The following PDGFD variants were observed in gnomAD, a reference collection of about 807,000 sequenced individuals.
PDGFD encodes platelet derived growth factor D.
Under a neutral mutation model 44.7 loss-of-function variants are expected in PDGFD, and 30 were observed. The observed-to-expected ratio is 0.67, with a 90% CI of 0.50 to 0.91. The LOEUF is 0.91. Ranked by LOEUF, PDGFD falls within the 40% of genes least tolerant of loss-of-function variation. PDGFD has a pLI of 0.00. For synonymous variants in PDGFD, 173 were observed against 168.4 expected (o/e 1.03, Z -0.21); for missense variants, 445 against 457.8 (o/e 0.97, Z 0.25).
At chr11:103,987,362 TTCC>T (rs548170452) in intron 3 of PDGFD, among the ~76,000 whole-genome samples, 200 of 152,292 alleles carry the variant, frequency 1.3e-3, no homozygotes, top group African/African-American at 4.6e-3. Context: ...TCTCCTCTTC[TTCC>T]TGAGTCCACC....
At chr11:104,094,798 C>G (rs1043441273) in intron 1 of PDGFD, among the ~76,000 whole-genome samples, 4 of 152,144 alleles carry the variant, frequency 2.6e-5, no homozygotes, top group African/African-American at 9.7e-5. Flanking sequence ...TCCTCCAACC[C>G]ACATTGCCAA....
intron 1 of PDGFD, among the ~76,000 whole-genome samples, chr11:104,117,593 CCAAG>C (rs1861660772): frequency 6.6e-6 from 1 of 151,816 alleles, no homozygotes; most frequent in South Asian, 2.1e-4. Context: ...CAAAAAGCGA[CCAAG>C]CAGAGAACCA....
intron 1 of PDGFD, among the ~76,000 whole-genome samples, chr11:104,079,999 GTAT>G (rs1429421808): frequency 1.3e-5 from 2 of 152,154 alleles, no homozygotes; most frequent in Admixed American, 1.3e-4. Context: ...GGTGCTGACG[GTAT>G]TATTGTCTAT....
At chr11:104,162,912 A>C (rs547978644) in intron 1 of PDGFD, among the ~76,000 whole-genome samples, 3 of 152,318 alleles carry the variant, frequency 2.0e-5, no homozygotes, top group African/African-American at 7.2e-5. Flanking sequence ...GTTCAGGTAC[A>C]TGGCAGAACA....
In PDGFD at chr11:104,154,875, GAA is replaced by G. The variant is rs1193274062; in HGVS notation, c.124+8927_124+8928del. 1.1e-4 allele frequency among the ~76,000 whole-genome samples: 17 copies of G among 152,248 alleles called. No homozygotes were observed. In the Middle Eastern group the frequency reaches 0.014, roughly 122 times the overall value. On this transcript the variant is annotated intron_variant, in intron 1 of 6. Transcript: ENST00000393158. ...AGTTGTAACAGAGACCATATGGCCT[GAA>G]AAGTCTACAATATTTACTATTTGGC...
intron 1 of PDGFD, among the ~76,000 whole-genome samples, chr11:104,010,028 G>C (rs1379729351): frequency 6.6e-6 from 1 of 152,140 alleles, no homozygotes; most frequent in East Asian, 1.9e-4. Flanking sequence ...TCAGTCTATG[G>C]CCTGCCATTA....
intron 1 of PDGFD, among the ~76,000 whole-genome samples, chr11:104,028,139 G>A (rs967385747): frequency 6.1e-5 from 9 of 147,964 alleles, no homozygotes; most frequent in African/African-American, 2.3e-4. Context: ...GTAGTGAGCC[G>A]AGACCGTACC....
intron 1 of PDGFD, among the ~76,000 whole-genome samples, chr11:104,079,677 G>A (rs780782469): frequency 7.2e-5 from 11 of 152,114 alleles, no homozygotes; most frequent in Admixed American, 4.6e-4. Context: ...GTGAGCCACC[G>A]CGCCTGGCCA....
In PDGFD at chr11:104,140,330, T is replaced by C. The variant is rs78661685; in HGVS notation, c.124+23474A>G. On this transcript the variant is annotated intron_variant, in intron 1 of 6. Coordinates refer to ENST00000393158, the MANE Select transcript of PDGFD (RefSeq NM_025208.5). ...AAAGAAAAATTACTTTAGCACAAAA[T>C]GCAAAGAAACAGCAGATTCACACAT... 1.3e-3 allele frequency among the ~76,000 whole-genome samples: 197 copies of C among 152,116 alleles called. 8 individuals are homozygous for C. In the East Asian group the frequency reaches 0.03, roughly 23 times the overall value.
chr11:104,072,792 A>G (rs1860900378), intron 1 of PDGFD, among the ~76,000 whole-genome samples: 1 of 152,024 alleles, frequency 6.6e-6, no homozygotes. Flanking sequence ...TAAATTTGTC[A>G]GAAGCTTTTT....
chr11:103,957,289 GCC>G (rs1420632837), intron 3 of PDGFD, among the ~76,000 whole-genome samples: 1 of 152,114 alleles, frequency 6.6e-6, no homozygotes, highest in Non-Finnish European at 1.5e-5. Context: ...TGGCCATACT[GCC>G]CAAGGTAATT....
chr11:103,981,862 A>C (rs753902223), intron 3 of PDGFD, among the ~76,000 whole-genome samples: 4 of 151,800 alleles, frequency 2.6e-5, no homozygotes, highest in Non-Finnish European at 4.4e-5. Context: ...CCAGCTCAGC[A>C]GTCTCATCAA....
At chr11:104,033,907 G>C (rs968721082) in intron 1 of PDGFD, among the ~76,000 whole-genome samples, 1 of 152,084 alleles carries the variant, frequency 6.6e-6, no homozygotes, top group Non-Finnish European at 1.5e-5. Flanking sequence ...TTGAGTCAAA[G>C]GGTCATTCAT....
At chr11:103,923,248 A>G (rs10895545) in intron 6 of PDGFD, among the ~76,000 whole-genome samples, 49,690 of 151,938 alleles carry the variant, frequency 0.33, 8,320 homozygotes, top group East Asian at 0.45. Flanking sequence ...TAGAAAGAGG[A>G]AAAATACTTC....
chr11:104,119,135 T>TC lies in PDGFD; in HGVS notation c.124+44668_124+44669insG, dbSNP rs1395034583. Among the ~76,000 whole-genome samples, 211 of 44,786 alleles carry TC rather than the reference T, an allele frequency of 4.7e-3. 20 individuals are homozygous for TC. The highest frequency in any genetic ancestry group is 5.4e-3 in the African/African-American group (63 of 11,594). 29.4% of individuals were successfully genotyped at this position (44,786 alleles called of 152,430 possible). A position where few individuals can be genotyped will look rare whatever the true frequency, so the allele number is the denominator to read the frequency against. On this transcript the variant is annotated intron_variant, in intron 1 of 6. Coordinates refer to ENST00000393158, the MANE Select transcript of PDGFD (RefSeq NM_025208.5). ...TAATATAATATATTGATATAATATA[T>TC]AATATATTAATATAATATATTGATA...
intron 1 of PDGFD, among the ~76,000 whole-genome samples, chr11:104,096,332 G>C (rs1861287597): frequency 6.6e-6 from 1 of 151,968 alleles, no homozygotes; most frequent in African/African-American, 2.4e-5. Flanking sequence ...TATCAGGAAT[G>C]CTGGAAAAAA....
chr11:103,932,355 G>C (rs1242392378), intron 5 of PDGFD, among the ~76,000 whole-genome samples: 1 of 152,060 alleles, frequency 6.6e-6, no homozygotes, highest in East Asian at 1.9e-4. Context: ...CCAACTATAG[G>C]CTGATATATG....
chr11:103,937,367 G>A (rs558275660), intron 5 of PDGFD, among the ~76,000 whole-genome samples: 4 of 152,068 alleles, frequency 2.6e-5, no homozygotes, highest in African/African-American at 9.6e-5. Flanking sequence ...AAGTTCTCCT[G>A]GAATAAGAAA....
chr11:103,917,089 A>C (rs1309018767), intron 6 of PDGFD, among the ~76,000 whole-genome samples: 1 of 152,072 alleles, frequency 6.6e-6, no homozygotes, highest in Non-Finnish European at 1.5e-5. Flanking sequence ...AGTATTAAAA[A>C]AAAAACACAC....
Sources: allele counts gnomAD v4.1 joint callset (sites outside exome capture counted in the v4.1 genomes callset), GRCh38; gene constraint gnomAD v4.1.1; transcripts MANE v1.5; gene names NCBI Gene and HGNC (gene_info 2026-07-23, HGNC 2026-07-21).